GHR: variants seen among roughly 807,000 people sequenced by gnomAD.
The protein encoded by GHR is growth hormone receptor.
A neutral mutation model predicts 67.1 loss-of-function variants in GHR; 35 were observed. The observed-to-expected ratio is 0.52, with a 90% CI of 0.40 to 0.69. The LOEUF is 0.69. Ranked by LOEUF, GHR falls within the 30% of genes least tolerant of loss-of-function variation. The pLI, the probability that GHR is intolerant of heterozygous loss-of-function variation, is 0.00. For missense variants in GHR, 792 were observed against 764.6 expected (o/e 1.04, Z -0.42); for synonymous variants, 272 against 269.1 (o/e 1.01, Z -0.10).
intron 1 of GHR, among the ~76,000 whole-genome samples, chr5:42,435,973 T>C (rs979104519): frequency 1.3e-5 from 2 of 152,176 alleles, no homozygotes; most frequent in African/African-American, 4.8e-5. Flanking sequence ...AGCGTACATA[T>C]GTAGCTGAGT....
intron 2 of GHR, among the ~76,000 whole-genome samples, chr5:42,567,807 G>C (rs1185591807): frequency 7.7e-6 from 1 of 130,380 alleles, no homozygotes; most frequent in East Asian, 1.9e-4. Context: ...GTGTGTGTGT[G>C]TGTGTGTTCT....
chr5:42,598,705 C>T (rs1752209256), intron 2 of GHR, among the ~76,000 whole-genome samples: 1 of 152,186 alleles, frequency 6.6e-6, no homozygotes, highest in Non-Finnish European at 1.5e-5. Context: ...TGGCTATGAG[C>T]CCCTGGAACT....
At chr5:42,686,422 A>G (rs973484607) in intron 3 of GHR, among the ~76,000 whole-genome samples, 9 of 152,188 alleles carry the variant, frequency 5.9e-5, no homozygotes, top group Non-Finnish European at 1.5e-5. Flanking sequence ...TGATGCAAAA[A>G]TCCTCAATAA....
At chr5:42,645,213 A>G (rs937538020) in intron 3 of GHR, among the ~76,000 whole-genome samples, 3 of 152,230 alleles carry the variant, frequency 2.0e-5, no homozygotes, top group Non-Finnish European at 4.4e-5. Flanking sequence ...CTTAGAATTT[A>G]CAAGGTCATT....
intron 1 of GHR, among the ~76,000 whole-genome samples, chr5:42,447,183 G>A (rs1210017698): frequency 5.9e-5 from 9 of 152,014 alleles, no homozygotes; most frequent in Non-Finnish European, 1.0e-4. Flanking sequence ...GGGAAGAGGT[G>A]GTTTTTGGTT....
chr5:42,671,716 G>A (rs1229807007), intron 3 of GHR, among the ~76,000 whole-genome samples: 1 of 151,488 alleles, frequency 6.6e-6, no homozygotes, highest in Admixed American at 6.6e-5. Flanking sequence ...CAGCACTTTG[G>A]GAGGCCGAGG....
chr5:42,473,078 C>A (rs1745080218), intron 1 of GHR, among the ~76,000 whole-genome samples: 1 of 152,144 alleles, frequency 6.6e-6, no homozygotes. Flanking sequence ...TAATATTTTT[C>A]TCTGTAGATA....
intron 1 of GHR, among the ~76,000 whole-genome samples, chr5:42,497,715 TGAA>T (rs1436008263): frequency 6.6e-6 from 1 of 152,208 alleles, no homozygotes; most frequent in Admixed American, 6.5e-5. Context: ...ATCTCTACTT[TGAA>T]GAAGAGAAAG....
At chr5:42,468,810 CTGGTCGAATCGGT>C (rs1292759668) in intron 1 of GHR, 1 of 1,040,694 alleles carries the variant, frequency 9.6e-7, no homozygotes, top group Admixed American at 2.3e-5. Context: ...TGTCAAATAA[CTGGTCGAATCGGT>C]TGGTGACCAG....
At chr5:42,567,674 T>C (rs1750020185) in intron 2 of GHR, among the ~76,000 whole-genome samples, 1 of 152,086 alleles carries the variant, frequency 6.6e-6, no homozygotes, top group Admixed American at 6.6e-5. Context: ...CAGAATCCTT[T>C]CTTAAAATGG....
chr5:42,480,247 A>G (rs1745557485), intron 1 of GHR, among the ~76,000 whole-genome samples: 1 of 152,200 alleles, frequency 6.6e-6, no homozygotes, highest in Non-Finnish European at 1.5e-5. Flanking sequence ...CTGTGGTCTG[A>G]GAGACAGTTT....
At chr5:42,508,251 A>C (rs1030577020) in intron 1 of GHR, among the ~76,000 whole-genome samples, 13 of 152,198 alleles carry the variant, frequency 8.5e-5, no homozygotes, top group Non-Finnish European at 1.9e-4. Context: ...CTGATAGCTC[A>C]CCAAAGGGGG....
In GHR at chr5:42,563,410, T is replaced by A. The variant is rs577031043; in HGVS notation, c.-11-2454T>A. On this transcript the variant is annotated intron_variant, in intron 1 of 9. Transcript: ENST00000230882. ...CGGGTGGGTCACTTGAGGTCAGGAG[T>A]TTGAGACAAGCCTGGCCAACATGGT... Among the ~76,000 whole-genome samples the A allele has an allele frequency of 7.6e-4, 115 of 151,070 alleles. 1 individual carries two copies. The highest frequency in any genetic ancestry group is 2.6e-3 in the African/African-American group (107 of 41,168).
At chr5:42,644,565 A>G (rs2112800795) in intron 3 of GHR, among the ~76,000 whole-genome samples, 1 of 152,292 alleles carries the variant, frequency 6.6e-6, no homozygotes, top group South Asian at 2.1e-4. Context: ...CTTTTGAAAC[A>G]TGATGGGAAA....
At position 42,694,966 on chromosome 5, in the gene GHR, T is replaced by A; in HGVS notation, c.316T>A (p.Ser106Thr). 1 of 1,611,988 alleles carries A rather than the reference T, an allele frequency of 6.2e-7. No homozygotes were observed. The highest frequency in any genetic ancestry group is 8.5e-7 in the Non-Finnish European group (1 of 1,178,442). ...ATGGAAAGAATGCCCTGATTATGTT[T>A]CTGCTGGGGAAAACAGCTGTTACTT... ...QEWKECPDYV[S>T]AGENSCYFNS... Residue 106 changes from serine (S) to threonine (T), a missense_variant, in exon 5 of 10, where the codon TCT becomes ACT. Transcript: ENST00000230882.
chr5:42,493,659 C>G (rs191070588), intron 1 of GHR, among the ~76,000 whole-genome samples: 87 of 152,170 alleles, frequency 5.7e-4, no homozygotes, highest in Middle Eastern at 3.4e-3. Context: ...AAATTTAGAG[C>G]AAAAGAAATA....
At chr5:42,580,811 C>T (rs1219148081) in intron 2 of GHR, among the ~76,000 whole-genome samples, 1 of 152,130 alleles carries the variant, frequency 6.6e-6, no homozygotes, top group African/African-American at 2.4e-5. Flanking sequence ...ATAGGAAATA[C>T]CTGCTTATTC....
chr5:42,514,380 T>C, intron 1 of GHR: 1 of 952,380 alleles, frequency 1.0e-6, no homozygotes, highest in Non-Finnish European at 1.3e-6. Flanking sequence ...TCTTCTGTCC[T>C]ATTATAATTT....
chr5:42,583,801 G>A (rs1751319753), intron 2 of GHR, among the ~76,000 whole-genome samples: 1 of 151,274 alleles, frequency 6.6e-6, no homozygotes, highest in East Asian at 1.9e-4. Flanking sequence ...AAAAGAAGGT[G>A]GTTCTTTCCT....
Sources: allele counts gnomAD v4.1 joint callset (sites outside exome capture counted in the v4.1 genomes callset), GRCh38; gene constraint gnomAD v4.1.1; transcripts MANE v1.5; gene names NCBI Gene and HGNC (gene_info 2026-07-23, HGNC 2026-07-21).